DOCK1: variants seen among roughly 807,000 people sequenced by gnomAD.
The protein encoded by DOCK1 is dedicator of cytokinesis protein 1.
Under a neutral mutation model 262.7 loss-of-function variants are expected in DOCK1, and 138 were observed. That is an observed-to-expected ratio of 0.53 (90% CI 0.46 to 0.61). DOCK1 has a LOEUF of 0.61. Ranked by LOEUF, DOCK1 falls within the 20% of genes least tolerant of loss-of-function variation. The pLI is 0.00. For missense variants in DOCK1, 1,908 were observed against 2,370.7 expected (o/e 0.80, Z 4.05); for synonymous variants, 866 against 867.4 (o/e 1.00, Z 0.03).
chr10:126,956,352 G>T (rs949896231), intron 1 of DOCK1, among the ~76,000 whole-genome samples: 2 of 152,182 alleles, frequency 1.3e-5, no homozygotes, highest in Non-Finnish European at 2.9e-5. Context: ...GAGTGACTTC[G>T]TACCTTCTTG....
intron 23 of DOCK1, among the ~76,000 whole-genome samples, chr10:127,076,054 A>T (rs2046514890): frequency 6.6e-6 from 1 of 152,174 alleles, no homozygotes; most frequent in Non-Finnish European, 1.5e-5. Context: ...CAGTGTGTGG[A>T]CATCTTGCTA....
intron 29 of DOCK1, among the ~76,000 whole-genome samples, chr10:127,295,496 T>G (rs2061475237): frequency 6.6e-6 from 1 of 151,968 alleles, no homozygotes; most frequent in Admixed American, 6.6e-5. Flanking sequence ...GGACAAAACG[T>G]CCAAACCATA....
chr10:127,227,735 C>T (rs2058696407), intron 27 of DOCK1, among the ~76,000 whole-genome samples: 1 of 152,232 alleles, frequency 6.6e-6, no homozygotes. Context: ...CCTGAGGTTC[C>T]AGGCACTAAG....
intron 1 of DOCK1, among the ~76,000 whole-genome samples, chr10:126,954,752 A>T (rs2036594690): frequency 6.6e-6 from 1 of 152,176 alleles, no homozygotes; most frequent in Non-Finnish European, 1.5e-5. Flanking sequence ...ACATTGTAGC[A>T]TGTGTCAGAA....
chr10:127,280,196 G>A (rs905227181), intron 29 of DOCK1, among the ~76,000 whole-genome samples: 3 of 151,296 alleles, frequency 2.0e-5, no homozygotes, highest in East Asian at 3.9e-4. Flanking sequence ...CACCGCACCC[G>A]GCTAATTTTT....
intron 16 of DOCK1, among the ~76,000 whole-genome samples, chr10:127,029,410 TG>T (rs1453890220): frequency 2.0e-5 from 3 of 152,188 alleles, no homozygotes; most frequent in Admixed American, 6.5e-5. Context: ...GATCTGACCT[TG>T]GGATTGGAAA....
At chr10:127,415,095 C>A in intron 43 of DOCK1, 57 bp from the exon 44 acceptor site, 1 of 1,519,008 alleles carries the variant, frequency 6.6e-7, no homozygotes, top group Non-Finnish European at 9.1e-7. Flanking sequence ...TAGGGCAGAG[C>A]TGTCCACCTG....
chr10:127,111,161 C>T (rs192573426), intron 25 of DOCK1, among the ~76,000 whole-genome samples: 14 of 152,274 alleles, frequency 9.2e-5, no homozygotes, highest in East Asian at 7.7e-4. Context: ...TGTTAAGTTA[C>T]GGGCTGGGTT....
chr10:126,991,358 G>A (rs61875512), intron 6 of DOCK1, among the ~76,000 whole-genome samples: 6,756 of 152,228 alleles, frequency 0.044, 195 homozygotes, highest in Middle Eastern at 0.096. Context: ...TCATAGAATA[G>A]CAGAGCTGCA....
At chr10:127,334,041 A>T (rs2063095449) in intron 29 of DOCK1, among the ~76,000 whole-genome samples, 1 of 152,246 alleles carries the variant, frequency 6.6e-6, no homozygotes. Flanking sequence ...TAACATTTTT[A>T]AAATTCTATT....
At chr10:127,449,562 C>A (rs1053493651) in intron 51 of DOCK1, among the ~76,000 whole-genome samples, 2 of 152,164 alleles carry the variant, frequency 1.3e-5, no homozygotes, top group Non-Finnish European at 2.9e-5. Context: ...AGATTAATGA[C>A]CCAGGTGTCT....
At chr10:126,921,631 T>TGA (rs111287513) in intron 1 of DOCK1, among the ~76,000 whole-genome samples, 10 of 151,094 alleles carry the variant, frequency 6.6e-5, no homozygotes, top group Admixed American at 1.3e-4. Flanking sequence ...TGAGGACGGG[T>TGA]GAGAGAGAGA....
At chr10:127,111,033 T>G (rs2136252440) in intron 25 of DOCK1, among the ~76,000 whole-genome samples, 1 of 152,344 alleles carries the variant, frequency 6.6e-6, no homozygotes, top group South Asian at 2.1e-4. Flanking sequence ...AGCATGGATT[T>G]ATTCGATTCC....
At chr10:127,113,721 C>T (rs988881362) in intron 25 of DOCK1, among the ~76,000 whole-genome samples, 1 of 152,166 alleles carries the variant, frequency 6.6e-6, no homozygotes. Context: ...AGCAAGACAG[C>T]TCTGTGTGGT....
intron 23 of DOCK1, among the ~76,000 whole-genome samples, chr10:127,081,889 A>G (rs1486003211): frequency 2.0e-5 from 3 of 152,204 alleles, no homozygotes; most frequent in Non-Finnish European, 4.4e-5. Context: ...TCACCACCGT[A>G]ATCAAGAGCT....
At chr10:127,331,242 A>T (rs577097649) in intron 29 of DOCK1, among the ~76,000 whole-genome samples, 1 of 152,234 alleles carries the variant, frequency 6.6e-6, no homozygotes, top group African/African-American at 2.4e-5. Context: ...CTTCATGGTC[A>T]TGGGCTGACT....
intron 1 of DOCK1, among the ~76,000 whole-genome samples, chr10:126,912,987 A>ATT (rs71488594): frequency 1.2e-3 from 167 of 144,394 alleles, no homozygotes; most frequent in South Asian, 1.8e-3. Context: ...TGGCCTTTGA[A>ATT]TTTTTTTTTT....
intron 27 of DOCK1, among the ~76,000 whole-genome samples, chr10:127,217,404 G>A (rs1322772101): frequency 6.6e-6 from 1 of 152,220 alleles, no homozygotes; most frequent in Non-Finnish European, 1.5e-5. Flanking sequence ...AAACCAAATT[G>A]ACAAGAAGCC....
At chr10:127,302,461 A>AG (rs932458855) in intron 29 of DOCK1, among the ~76,000 whole-genome samples, 1 of 152,150 alleles carries the variant, frequency 6.6e-6, no homozygotes, top group Non-Finnish European at 1.5e-5. Context: ...CCTGCATCCC[A>AG]GTGAAAGCTA....
Sources: allele counts gnomAD v4.1 joint callset (sites outside exome capture counted in the v4.1 genomes callset), GRCh38; gene constraint gnomAD v4.1.1; transcripts MANE v1.5; gene names NCBI Gene and HGNC (gene_info 2026-07-23, HGNC 2026-07-21).